The following EGFR variants were observed in gnomAD, a reference collection of about 807,000 sequenced individuals.
EGFR encodes avian erythroblastic leukemia viral (v-erb-b) oncogene homolog.
A neutral mutation model predicts 143.0 loss-of-function variants in EGFR; 58 were observed. The ratio of observed to expected loss-of-function variants is 0.41; its 90% CI spans 0.33 to 0.50. The LOEUF (loss-of-function observed/expected upper bound fraction) is 0.50. Ranked by LOEUF, EGFR falls within the 20% of genes least tolerant of loss-of-function variation. The pLI, the probability that EGFR is intolerant of heterozygous loss-of-function variation, is 0.39. For missense variants in EGFR, 1,307 were observed against 1,579.0 expected, an observed-to-expected ratio of 0.83 and a Z score of 2.92; for synonymous variants, 613 against 594.4, an observed-to-expected ratio of 1.03 and a Z score of -0.45.
chr7:55,183,582 G>A (rs1786992052), intron 20 of EGFR, among the ~76,000 whole-genome samples: 2 of 152,206 alleles, frequency 1.3e-5, no homozygotes, highest in South Asian at 4.1e-4. Context: ...TGGGTGTGGA[G>A]CTACATCCAC....
chr7:55,110,693 T>C (rs1467713433), intron 1 of EGFR, among the ~76,000 whole-genome samples: 1 of 152,206 alleles, frequency 6.6e-6, no homozygotes, highest in Non-Finnish European at 1.5e-5. Flanking sequence ...CCTGTTCGGA[T>C]CCGGAAGTAG....
At chr7:55,114,006 G>A (rs114282055) in intron 1 of EGFR, among the ~76,000 whole-genome samples, 162 of 152,324 alleles carry the variant, frequency 1.1e-3, no homozygotes, top group African/African-American at 3.0e-3. Context: ...AGGGTGGGAA[G>A]CACTGCTCCA....
intron 1 of EGFR, among the ~76,000 whole-genome samples, chr7:55,090,852 A>G (rs553386199): frequency 6.6e-6 from 1 of 152,368 alleles, no homozygotes; most frequent in African/African-American, 2.4e-5. Context: ...AGAAATCCTC[A>G]TTTTAACCAT....
intron 15 of EGFR, chr7:55,170,500 T>C: frequency 6.2e-7 from 1 of 1,614,012 alleles, no homozygotes; most frequent in Non-Finnish European, 8.5e-7. Context: ...CCTCCATGCC[T>C]GGCCTTCTGC....
intron 1 of EGFR, among the ~76,000 whole-genome samples, chr7:55,040,546 A>C (rs1424787495): frequency 6.6e-6 from 1 of 152,124 alleles, no homozygotes; most frequent in Non-Finnish European, 1.5e-5. Context: ...AAATATTACA[A>C]AGTAATATTT....
chr7:55,087,147 G>A (rs748820993), intron 1 of EGFR, among the ~76,000 whole-genome samples: 13 of 152,096 alleles, frequency 8.5e-5, no homozygotes, highest in East Asian at 1.9e-4. Flanking sequence ...CAAGCGGGGG[G>A]AAGAGAGGAT....
chr7:55,024,877 G>A (rs1172732349), intron 1 of EGFR, among the ~76,000 whole-genome samples: 1 of 152,200 alleles, frequency 6.6e-6, no homozygotes. Context: ...GACAAAGGAT[G>A]ACTTTTGAGT....
intron 1 of EGFR, among the ~76,000 whole-genome samples, chr7:55,072,182 AT>A (rs34997281): frequency 0.067 from 10,202 of 151,644 alleles, 469 homozygotes; most frequent in South Asian, 0.13. Context: ...TGCAAACTTA[AT>A]TTTAAATGTA....
intron 22 of EGFR, 108 bp from the exon 23 acceptor site, chr7:55,198,609 A>T (rs1787718607): frequency 6.5e-7 from 1 of 1,536,628 alleles, no homozygotes; most frequent in Non-Finnish European, 9.0e-7. Context: ...ACAGAAATGT[A>T]GGTTTCTAAA....
rs2128964375 is a variant in EGFR, at chr7:55,191,731, T to C, written c.2482T>C (p.Leu828=). The change falls in exon 21 of 28, where the codon TTG becomes CTG. Residue 828 remains leucine (L), a synonymous_variant. Coordinates refer to ENST00000275493, the MANE Select transcript of EGFR (RefSeq NM_005228.5). ...TTCTCTGTTTCAGGGCATGAACTAC[T>C]TGGAGGACCGTCGCTTGGTGCACCG... ...CVQIAKGMNY[L]EDRRLVHRDL... The C allele has an allele frequency of 6.2e-7, 1 of 1,613,916 alleles. No homozygotes were observed.
chr7:55,198,373 T>G (rs17290629), intron 22 of EGFR, among the ~76,000 whole-genome samples: 14,696 of 152,214 alleles, frequency 0.097, 1,004 homozygotes, highest in East Asian at 0.28. Flanking sequence ...GTATCCTGTC[T>G]GGAGCATAAT....
At chr7:55,157,840 G>T in intron 11 of EGFR, 87 bp downstream of exon 11, 1 of 1,313,028 alleles carries the variant, frequency 7.6e-7, no homozygotes, top group South Asian at 1.2e-5. Context: ...CTAAGATAGG[G>T]CACAGAGCTC....
At chr7:55,154,762 A>C (rs139360118) in intron 7 of EGFR, among the ~76,000 whole-genome samples, 48 of 152,332 alleles carry the variant, frequency 3.2e-4, no homozygotes, top group African/African-American at 1.1e-3. Context: ...TTCCTGACAG[A>C]GAAAGCAAAA....
chr7:55,019,755 G>A (rs1786420234), intron 1 of EGFR, among the ~76,000 whole-genome samples: 1 of 152,298 alleles, frequency 6.6e-6, no homozygotes. Context: ...CCGCACGTGC[G>A]CCCCGCGCTG....
intron 1 of EGFR, among the ~76,000 whole-genome samples, chr7:55,063,262 A>C (rs1481033151): frequency 3.3e-5 from 5 of 152,134 alleles, no homozygotes; most frequent in Non-Finnish European, 5.9e-5. Flanking sequence ...CTTTTGGCCA[A>C]GTTTTCTCTC....
chr7:55,205,191 C>T (rs776718403), intron 27 of EGFR, 65 bp from the exon 28 acceptor site: 52 of 1,596,486 alleles, frequency 3.3e-5, no homozygotes, highest in Middle Eastern at 1.7e-4. Flanking sequence ...GGTTCAGAAC[C>T]CAGGGATCCT....
chr7:55,071,653 G>A (rs979224538), intron 1 of EGFR, among the ~76,000 whole-genome samples: 2 of 152,188 alleles, frequency 1.3e-5, no homozygotes, highest in Admixed American at 6.5e-5. Context: ...GTGTGCCTGC[G>A]TAGGCACACG....
At chr7:55,151,485 G>C in intron 5 of EGFR, 123 bp downstream of exon 5, 1 of 1,011,228 alleles carries the variant, frequency 9.9e-7, no homozygotes, top group Non-Finnish European at 1.5e-6. Flanking sequence ...AGGGTCAGAT[G>C]TGAACCAGTA....
intron 1 of EGFR, among the ~76,000 whole-genome samples, chr7:55,037,293 A>C (rs1463312658): frequency 6.6e-6 from 1 of 152,224 alleles, no homozygotes; most frequent in Non-Finnish European, 1.5e-5. Context: ...ACAGGGTTAC[A>C]TGGATAGAAA....
Sources: gnomAD v4.1 joint callset for allele counts (sites outside exome capture counted in the v4.1 genomes callset) on GRCh38, gnomAD v4.1.1 for gene constraint, MANE v1.5 for transcripts, NCBI Gene and HGNC (gene_info 2026-07-23, HGNC 2026-07-21) for gene names.